RCAN2: variants seen among roughly 807,000 people sequenced by gnomAD.
The protein encoded by RCAN2 is calcipressin-2.
RCAN2 carries 9 observed loss-of-function variants against 23.6 expected under a neutral mutation model. The observed-to-expected ratio is 0.38, with a 90% CI of 0.23 to 0.67. The LOEUF is 0.67. Ranked by LOEUF, RCAN2 falls within the 30% of genes least tolerant of loss-of-function variation. The pLI is 0.51. For synonymous variants in RCAN2, 109 were observed against 115.7 expected, an observed-to-expected ratio of 0.94 and a Z score of 0.37; for missense variants, 273 against 302.3, an observed-to-expected ratio of 0.90 and a Z score of 0.72.
At chr6:46,474,705 T>C (rs1194124898) in intron 1 of RCAN2, among the ~76,000 whole-genome samples, 2 of 152,162 alleles carry the variant, frequency 1.3e-5, no homozygotes, top group Admixed American at 1.3e-4. Flanking sequence ...TATGTGAAAG[T>C]TAGGGATGCT....
chr6:46,440,378 C>G (rs1767501437), intron 2 of RCAN2, among the ~76,000 whole-genome samples: 1 of 151,520 alleles, frequency 6.6e-6, no homozygotes, highest in Non-Finnish European at 1.5e-5. Flanking sequence ...TTTTTCTAAA[C>G]CATATGAGTC....
At chr6:46,341,731 G>A (rs1038084854) in intron 2 of RCAN2, among the ~76,000 whole-genome samples, 1 of 152,166 alleles carries the variant, frequency 6.6e-6, no homozygotes, top group African/African-American at 2.4e-5. Context: ...CTGGGAGGTG[G>A]AGGTTGCAGT....
intron 2 of RCAN2, among the ~76,000 whole-genome samples, chr6:46,418,074 T>C (rs796891110): frequency 6.6e-6 from 1 of 152,206 alleles, no homozygotes; most frequent in South Asian, 2.1e-4. Flanking sequence ...TAATCATATA[T>C]GAGATTATTA....
At chr6:46,482,318 G>A (rs1402214792) in intron 1 of RCAN2, among the ~76,000 whole-genome samples, 1 of 151,616 alleles carries the variant, frequency 6.6e-6, no homozygotes, top group East Asian at 1.9e-4. Context: ...CCCCTTTTTT[G>A]GAAAAGGAAT....
intron 3 of RCAN2, 66 bp downstream of exon 3, chr6:46,248,657 T>C (rs1766603905): frequency 3.0e-6 from 4 of 1,316,772 alleles, no homozygotes; most frequent in Non-Finnish European, 4.1e-6. Context: ...GGGCTTCATT[T>C]ACATTTTAAA....
chr6:46,326,453 T>C (rs1292535911), intron 2 of RCAN2, among the ~76,000 whole-genome samples: 1 of 152,170 alleles, frequency 6.6e-6, no homozygotes, highest in Non-Finnish European at 1.5e-5. Context: ...TTTCTCAGGC[T>C]TTTTTCCTGA....
At chr6:46,283,829 G>A (rs1762280673) in intron 2 of RCAN2, among the ~76,000 whole-genome samples, 1 of 152,158 alleles carries the variant, frequency 6.6e-6, no homozygotes, top group Non-Finnish European at 1.5e-5. Flanking sequence ...TCATCACACT[G>A]ATTTAAAATG....
intron 2 of RCAN2, among the ~76,000 whole-genome samples, chr6:46,317,606 C>A (rs369108114): frequency 1.3e-5 from 2 of 152,064 alleles, no homozygotes; most frequent in African/African-American, 4.8e-5. Flanking sequence ...GGAGTACAGG[C>A]GCCTGTCACC....
chr6:46,421,096 A>C (rs947366252), intron 2 of RCAN2, among the ~76,000 whole-genome samples: 4 of 152,200 alleles, frequency 2.6e-5, no homozygotes, highest in African/African-American at 9.7e-5. Context: ...AACATTTTTT[A>C]AAATTACTTC....
At chr6:46,292,438 G>T (rs7740335) in intron 2 of RCAN2, among the ~76,000 whole-genome samples, 2,566 of 131,528 alleles carry the variant, frequency 0.02, 51 homozygotes, top group African/African-American at 0.041. Context: ...TTTTTTTTTT[G>T]TTTTTTTTTT....
intron 1 of RCAN2, among the ~76,000 whole-genome samples, chr6:46,462,302 A>T (rs1227932330): frequency 1.3e-5 from 2 of 152,202 alleles, no homozygotes; most frequent in African/African-American, 4.8e-5. Context: ...AAACATCACC[A>T]ACAACAAGAT....
chr6:46,222,185 T>G lies in RCAN2; in HGVS notation c.*956A>C. 2.6e-6 allele frequency: 1 copy of G among 391,858 alleles called. No individual in the cohort carries two copies. The highest frequency in any genetic ancestry group is 3.6e-5 in the East Asian group (1 of 27,684). The allele number at this position is 391,858 out of a possible 1,614,324, so 24.3% of individuals were successfully genotyped here. On this transcript the variant is annotated 3_prime_UTR_variant, in exon 5 of 5. Coordinates refer to ENST00000371374, the MANE Select transcript of RCAN2 (RefSeq NM_001251974.2). ...ATTAGAGTGTAATATTATCAGAGTA[T>G]CTGTATTAGTATATGAAGGCATTCA...
intron 2 of RCAN2, among the ~76,000 whole-genome samples, chr6:46,335,989 G>C (rs1764128799): frequency 6.6e-6 from 1 of 152,200 alleles, no homozygotes; most frequent in Non-Finnish European, 1.5e-5. Flanking sequence ...TAGCTGGACA[G>C]TGGGTGAGCT....
At chr6:46,272,953 C>T (rs1017052841) in intron 2 of RCAN2, among the ~76,000 whole-genome samples, 6 of 152,130 alleles carry the variant, frequency 3.9e-5, no homozygotes, top group Non-Finnish European at 5.9e-5. Flanking sequence ...CCCCTCTAAG[C>T]GTCTTTCATT....
chr6:46,314,635 T>A (rs1027687235), intron 2 of RCAN2, among the ~76,000 whole-genome samples: 4 of 152,212 alleles, frequency 2.6e-5, no homozygotes, highest in Admixed American at 6.5e-5. Context: ...CAATTATAGT[T>A]AAGCATTACT....
Position 46,259,966 on chromosome 6 carries a change from C to T in RCAN2, c.226-11070G>A, listed in dbSNP as rs1419915617. On this transcript the variant is annotated intron_variant, in intron 2 of 4. Coordinates refer to ENST00000371374, the MANE Select transcript of RCAN2 (RefSeq NM_001251974.2). ...CCATGCTCCTCTCTGGACTAGACCA[C>T]GCTCTCAGTACCTCTACATGTTCAG... Among the ~76,000 whole-genome samples the T allele has an allele frequency of 3.3e-5, 5 of 152,200 alleles. No homozygotes were observed. In the East Asian group the frequency reaches 5.8e-4, roughly 18 times the overall value.
intron 2 of RCAN2, among the ~76,000 whole-genome samples, chr6:46,385,321 A>G (rs1207849877): frequency 6.6e-6 from 1 of 152,230 alleles, no homozygotes; most frequent in Non-Finnish European, 1.5e-5. Flanking sequence ...CACACAGTAG[A>G]CAAGGCACCA....
At chr6:46,305,128 C>T (rs376970557) in intron 2 of RCAN2, among the ~76,000 whole-genome samples, 1 of 152,118 alleles carries the variant, frequency 6.6e-6, no homozygotes, top group East Asian at 1.9e-4. Flanking sequence ...CCTCACTTCA[C>T]ATCAGTGCCT....
At chr6:46,353,559 A>T (rs1764727800) in intron 2 of RCAN2, among the ~76,000 whole-genome samples, 1 of 152,188 alleles carries the variant, frequency 6.6e-6, no homozygotes, top group South Asian at 2.1e-4. Context: ...ACCCTGACTT[A>T]AGTTCAGCTT....
Sources: gnomAD v4.1 joint callset for allele counts (sites outside exome capture counted in the v4.1 genomes callset) on GRCh38, gnomAD v4.1.1 for gene constraint, MANE v1.5 for transcripts, NCBI Gene and HGNC (gene_info 2026-07-23, HGNC 2026-07-21) for gene names.